Variants in FADD observed in about 807,000 individuals in gnomAD.
FADD encodes Fas associated via death domain, also known as FAS-associated death domain protein.
FADD carries 3 observed loss-of-function variants against 5.8 expected under a neutral mutation model. The ratio of observed to expected loss-of-function variants is 0.52; its 90% CI spans 0.24 to 1.34. The LOEUF is 1.34. Among genes scored for constraint, FADD ranks in the 40% most tolerant of loss-of-function variants. FADD has a pLI of 0.17. For synonymous variants in FADD, 138 were observed against 130.8 expected (o/e 1.06, Z -0.38); for missense variants, 249 against 286.7 (o/e 0.87, Z 0.95).
In FADD at chr11:70,206,130, C is replaced by T. The variant is rs1321264430; in HGVS notation, c.287-3C>T. The T allele has an allele frequency of 6.2e-7, 1 of 1,613,028 alleles. No individual in the cohort carries two copies. On this transcript the variant is annotated splice_region_variant and splice_polypyrimidine_tract_variant and intron_variant, in intron 1 of 1. Coordinates refer to ENST00000301838, the MANE Select transcript of FADD (RefSeq NM_003824.4). ...GTAAACCGTTCTGTTCTTTCCTTCC[C>T]AGACCTGTGTGCAGCATTTAACGTC... is the stretch of plus-strand genomic sequence containing the variant.
Position 70,203,572 on chromosome 11 carries a change from G to A in FADD, c.113G>A (p.Arg38His). The change falls in exon 1 of 2, where the codon CGC becomes CAC. Residue 38 changes from arginine (R) to histidine (H), a missense_variant. Arg to His is a conservative substitution (Grantham distance 29, BLOSUM62 0). Coordinates refer to ENST00000301838, the MANE Select transcript of FADD (RefSeq NM_003824.4). ...LGRVGKRKLE[R>H]VQSGLDLFSM... ...CGCGTGGGCAAGCGCAAGCTGGAGC[G>A]CGTGCAGAGCGGCCTAGACCTCTTC... The A allele has an allele frequency of 1.2e-6, 2 of 1,612,582 alleles. No individual in the cohort carries two copies. The highest frequency in any genetic ancestry group is 1.7e-6 in the Non-Finnish European group (2 of 1,179,682).
Sources: gnomAD v4.1 joint callset for allele counts on GRCh38, gnomAD v4.1.1 for gene constraint, MANE v1.5 for transcripts, NCBI Gene and HGNC (gene_info 2026-07-23, HGNC 2026-07-21) for gene names.